Variants in USP32 observed in about 807,000 individuals in gnomAD.
The protein encoded by USP32 is ubiquitin specific peptidase 32, also known as ubiquitin carboxyl-terminal hydrolase 32.
Under a neutral mutation model 204.8 loss-of-function variants are expected in USP32, and 59 were observed. The ratio of observed to expected loss-of-function variants is 0.29; its 90% CI spans 0.23 to 0.36. The LOEUF (loss-of-function observed/expected upper bound fraction) is 0.36, where lower values mean the gene tolerates loss of function less well. USP32 is among the 10% of genes least tolerant of loss of function. The pLI is 1.00. For missense variants in USP32, 1,160 were observed against 1,946.4 expected (o/e 0.60, Z 7.60); for synonymous variants, 517 against 678.4 (o/e 0.76, Z 3.70).
intron 1 of USP32, among the ~76,000 whole-genome samples, chr17:60,366,134 C>T (rs143409455): frequency 3.3e-5 from 5 of 151,476 alleles, no homozygotes; most frequent in Admixed American, 6.6e-5. Context: ...TGTGACACCA[C>T]GCCGGGCTAA....
At chr17:60,252,306 A>G (rs561725567) in intron 11 of USP32, 75 bp downstream of exon 11, 23 of 1,113,654 alleles carry the variant, frequency 2.1e-5, no homozygotes, top group Non-Finnish European at 2.9e-5. Context: ...TTAAAATAGG[A>G]CATGCTGTTC....
At chr17:60,393,485 T>TA (rs1423712754), upstream of USP32, among the ~76,000 whole-genome samples, 1 of 152,204 alleles carries the variant, frequency 6.6e-6, no homozygotes, top group Non-Finnish European at 1.5e-5. Flanking sequence ...TTTCAACTCT[T>TA]ATTTAGTTTG....
intron 2 of USP32, among the ~76,000 whole-genome samples, chr17:60,338,934 G>A (rs2088589634): frequency 6.6e-6 from 1 of 151,884 alleles, no homozygotes; most frequent in African/African-American, 2.4e-5. Context: ...TTTTGAGACG[G>A]AGTCTTGCTC....
chr17:60,249,617 A>G, intron 11 of USP32: 2 of 646,548 alleles, frequency 3.1e-6, no homozygotes, highest in Non-Finnish European at 5.6e-6. Flanking sequence ...CAGCCCATGC[A>G]GACTTGCTGG....
At chr17:60,378,652 C>CT (rs2089594374) in intron 1 of USP32, among the ~76,000 whole-genome samples, 1 of 152,140 alleles carries the variant, frequency 6.6e-6, no homozygotes, top group Admixed American at 6.5e-5. Flanking sequence ...ATGGATAAAC[C>CT]TTGAAAACAT....
At chr17:60,296,815 A>G (rs780771689) in intron 3 of USP32, among the ~76,000 whole-genome samples, 5 of 152,140 alleles carry the variant, frequency 3.3e-5, no homozygotes, top group Non-Finnish European at 5.9e-5. Context: ...TTTTGTACAT[A>G]AAAACTAAAA....
At chr17:60,420,102 GT>G (rs1034482745) in intron 1 of USP32, among the ~76,000 whole-genome samples, 4 of 148,716 alleles carry the variant, frequency 2.7e-5, no homozygotes, top group African/African-American at 9.9e-5. Flanking sequence ...TATTTGTTTT[GT>G]TTTATTTTAT....
intron 4 of USP32, among the ~76,000 whole-genome samples, chr17:60,293,672 A>G (rs569505526): frequency 6.6e-6 from 1 of 152,354 alleles, no homozygotes; most frequent in South Asian, 2.1e-4. Context: ...GTGGTAAGAA[A>G]CTAATGATAG....
rs1380824123 is a variant in USP32 at position 60,183,283 on chromosome 17, G to A, written c.4005C>T (p.Pro1335=). 1.2e-6 allele frequency: 2 copies of A among 1,613,824 alleles called. No individual in the cohort carries two copies. Among genetic ancestry groups the A allele is most frequent in the African/African-American group, 1.3e-5 (1 of 74,886 alleles). The part of the protein sequence containing the change: ...LTPQGDELSE[P]RILAREVKKV... The stretch of plus-strand genomic sequence containing the variant: ...TCTTCACCTCCCTTGCCAGAATCCT[G>A]GGCTCAGAGAGCTCATCCCCCTGGG... Residue 1335 remains proline, a synonymous_variant, in exon 31 of 34, where the codon CCC becomes CCT. Transcript: ENST00000300896.
chr17:60,391,930 T>C lies in USP32; in HGVS notation c.10A>G (p.Lys4Glu), dbSNP rs773975700. Residue 4 changes from lysine (K) to glutamate (E), a missense_variant, in exon 1 of 34, where the codon AAG (lysine) becomes GAG (glutamate). This residue lies in a region of USP32 where 536 missense variants were observed against 680.9 expected (regional missense o/e 0.79). Coordinates refer to ENST00000300896, the MANE Select transcript of USP32 (RefSeq NM_032582.4). ...CTGAGGAATCCGATCCGTGACTCCTTGGCACCCATGCTCCCCTCATCCCCT... is the reference window on the plus strand; with the variant it reads ...CTGAGGAATCCGATCCGTGACTCCTCGGCACCCATGCTCCCCTCATCCCCT... MGA[K>E]ESRIGFLSYE... The C allele has an allele frequency of 6.2e-7, 1 of 1,612,792 alleles. No individual in the cohort carries two copies. The highest frequency in any genetic ancestry group is 1.1e-5 in the South Asian group (1 of 90,840).
chr17:60,364,122 G>A (rs2146063787), intron 1 of USP32, among the ~76,000 whole-genome samples: 1 of 152,280 alleles, frequency 6.6e-6, no homozygotes, highest in East Asian at 1.9e-4. Context: ...AGTGTCTGGT[G>A]AGAGCCTTTT....
intron 11 of USP32, among the ~76,000 whole-genome samples, chr17:60,247,532 G>T (rs922277845): frequency 1.1e-4 from 16 of 152,058 alleles, no homozygotes; most frequent in Admixed American, 9.2e-4. Flanking sequence ...TTGGGAACTG[G>T]TTTCATTCTT....
chr17:60,198,318 C>G lies in USP32; in HGVS notation c.3376G>C (p.Val1126Leu). 6.2e-7 allele frequency: 1 copy of G among 1,614,168 alleles called. No homozygotes were observed. Among genetic ancestry groups the G allele is most frequent in the Non-Finnish European group, 8.5e-7 (1 of 1,180,012 alleles). ...GGGAGTGGGCTCGCTAACCGGGATACTTGAATCCAAACCGCATCATATAGG... is the reference window on the plus strand; with the variant it reads ...GGGAGTGGGCTCGCTAACCGGGATAGTTGAATCCAAACCGCATCATATAGG... ...KDLYDAVWIQ[V>L]SRLASPLPPQ... Residue 1126 changes from valine to leucine, a missense_variant, in exon 27 of 34, where the codon GTA becomes CTA. Physicochemically the swap from Val to Leu is conservative, Grantham distance 32 (BLOSUM62 1). Transcript: ENST00000300896.
At chr17:60,373,017 A>G (rs1241249411) in intron 1 of USP32, among the ~76,000 whole-genome samples, 1 of 151,974 alleles carries the variant, frequency 6.6e-6, no homozygotes, top group Non-Finnish European at 1.5e-5. Flanking sequence ...AAACAAAAAA[A>G]TCAGCCAGGT....
chr17:60,271,092 C>A (rs1252052251), intron 6 of USP32, among the ~76,000 whole-genome samples: 1 of 152,190 alleles, frequency 6.6e-6, no homozygotes, highest in Non-Finnish European at 1.5e-5. Context: ...GTATCACAAC[C>A]ACTGCCTTGG....
At chr17:60,196,278 G>GAA (rs35533470) in intron 27 of USP32, among the ~76,000 whole-genome samples, 1 of 135,000 alleles carries the variant, frequency 7.4e-6, no homozygotes, top group East Asian at 2.2e-4. Flanking sequence ...GCCAAAAAAA[G>GAA]AAAAAAAAAA....
At chr17:60,305,397 A>G (rs1166030732) in intron 2 of USP32, among the ~76,000 whole-genome samples, 1 of 152,162 alleles carries the variant, frequency 6.6e-6, no homozygotes, top group Non-Finnish European at 1.5e-5. Flanking sequence ...CAGCGCACTC[A>G]TTACTGTGGG....
Position 60,363,448 on chromosome 17 carries a change from C to G in USP32, c.59-17840G>C, listed in dbSNP as rs2089251297. On this transcript the variant is annotated intron_variant, in intron 1 of 33. Coordinates refer to ENST00000300896, the MANE Select transcript of USP32 (RefSeq NM_032582.4). ...TCGGCCTGGGTGACAGAGCGAGACT[C>G]TGTCTCAAAAAAAAAAAAAAAAAAG... Among the ~76,000 whole-genome samples the G allele has an allele frequency of 3.3e-5, 4 of 121,862 alleles. No individual in the cohort carries two copies. In the South Asian group the frequency reaches 1.3e-3, roughly 38 times the overall value. The allele number at this position is 121,862 out of a possible 152,430, so 79.9% of individuals were successfully genotyped here.
intron 19 of USP32, among the ~76,000 whole-genome samples, 170 bp downstream of exon 19, chr17:60,211,854 T>C (rs1265133133): frequency 2.6e-5 from 4 of 151,856 alleles, no homozygotes; most frequent in Non-Finnish European, 5.9e-5. Context: ...AATAATTTGA[T>C]GGTGGGTTTG....
Sources: gnomAD v4.1 joint callset for allele counts (sites outside exome capture counted in the v4.1 genomes callset) on GRCh38, gnomAD v4.1.1 for gene constraint, gnomAD v4.1.1 regional missense constraint, MANE v1.5 for transcripts, NCBI Gene and HGNC (gene_info 2026-07-23, HGNC 2026-07-21) for gene names.